SPATA6: variants seen among roughly 807,000 people sequenced by gnomAD.
The protein encoded by SPATA6 is spermatogenesis-associated protein 6.
SPATA6 carries 56 observed loss-of-function variants against 65.3 expected under a neutral mutation model. The ratio of observed to expected loss-of-function variants is 0.86; its 90% CI spans 0.69 to 1.07. The LOEUF (loss-of-function observed/expected upper bound fraction) is 1.07, where lower values mean the gene tolerates loss of function less well. SPATA6 is among the 50% of genes least tolerant of loss of function. SPATA6 has a pLI of 0.00. For synonymous variants in SPATA6, 199 were observed against 213.2 expected, an observed-to-expected ratio of 0.93 and a Z score of 0.58; for missense variants, 590 against 594.8, an observed-to-expected ratio of 0.99 and a Z score of 0.08.
intron 11 of SPATA6, among the ~76,000 whole-genome samples, chr1:48,354,310 AACC>A (rs1646596537): frequency 6.6e-6 from 1 of 152,102 alleles, no homozygotes; most frequent in Admixed American, 6.6e-5. Context: ...TAACTGTTAA[AACC>A]ATGTGCAACA....
chr1:48,305,426 T>A (rs1251531455), intron 12 of SPATA6, among the ~76,000 whole-genome samples: 3 of 152,110 alleles, frequency 2.0e-5, no homozygotes, highest in African/African-American at 7.2e-5. Context: ...TTCCTCAAAT[T>A]ATAGGCGAGA....
chr1:48,424,079 T>C (rs917726306), intron 3 of SPATA6, among the ~76,000 whole-genome samples: 2 of 152,176 alleles, frequency 1.3e-5, no homozygotes, highest in African/African-American at 4.8e-5. Context: ...TGCTATCAAA[T>C]AGTAGGTCTT....
intron 3 of SPATA6, among the ~76,000 whole-genome samples, chr1:48,417,294 C>T (rs1222587722): frequency 6.6e-6 from 1 of 151,978 alleles, no homozygotes; most frequent in Non-Finnish European, 1.5e-5. Context: ...TATGTAACAG[C>T]AACAATTAGA....
At chr1:48,386,151 T>C (rs1649439438) in intron 8 of SPATA6, among the ~76,000 whole-genome samples, 1 of 152,156 alleles carries the variant, frequency 6.6e-6, no homozygotes, top group South Asian at 2.1e-4. Context: ...AAACAATGCC[T>C]ACCTTATATC....
downstream of SPATA6, among the ~76,000 whole-genome samples, chr1:48,292,440 T>A (rs367705126): frequency 6.6e-6 from 1 of 152,190 alleles, no homozygotes; most frequent in South Asian, 2.1e-4. Context: ...GTGGTGCCAC[T>A]GGATATAGCA....
chr1:48,375,362 G>T (rs1159815828), intron 9 of SPATA6, among the ~76,000 whole-genome samples: 1 of 152,102 alleles, frequency 6.6e-6, no homozygotes, highest in East Asian at 1.9e-4. Context: ...ATAAAAGAAA[G>T]TTCCTAGAGA....
At chr1:48,395,229 G>C (rs764310121) in intron 8 of SPATA6, 38 bp downstream of exon 8, 41 of 1,438,298 alleles carry the variant, frequency 2.9e-5, no homozygotes, top group Non-Finnish European at 3.8e-5. Context: ...TGTAGCTCAG[G>C]CAACTACAGC....
intron 8 of SPATA6, among the ~76,000 whole-genome samples, chr1:48,394,662 A>AT (rs1003994602): frequency 6.6e-6 from 1 of 151,794 alleles, no homozygotes; most frequent in African/African-American, 2.4e-5. Context: ...TAATGATTTT[A>AT]TTTTTTTTCA....
chr1:48,448,715 T>C (rs1173355315), intron 3 of SPATA6, among the ~76,000 whole-genome samples: 3 of 152,124 alleles, frequency 2.0e-5, no homozygotes, highest in Non-Finnish European at 4.4e-5. Context: ...TAAAAAGGAA[T>C]GAACTACTTA....
At position 48,460,588 on chromosome 1, in the gene SPATA6, T is replaced by C. The variant is rs181043879; in HGVS notation, c.52-7457A>G. 6.1e-3 allele frequency among the ~76,000 whole-genome samples: 923 copies of C among 151,330 alleles called. 8 individuals carry two copies. The highest frequency in any genetic ancestry group is 7.0e-3 in the Non-Finnish European group (479 of 67,994). ...GTGCAGAAGGACAAGAAAAAGATAT[T>C]TGGAAATGAAAGAAATAAAAGGCAC... On this transcript the variant is annotated intron_variant, in intron 1 of 12. Coordinates refer to ENST00000371847, the MANE Select transcript of SPATA6 (RefSeq NM_019073.4).
intron 8 of SPATA6, among the ~76,000 whole-genome samples, chr1:48,388,135 C>T (rs914212193): frequency 1.3e-5 from 2 of 152,156 alleles, no homozygotes; most frequent in Admixed American, 6.5e-5. Context: ...AAAGACTAGA[C>T]TACCTAGTGT....
At chr1:48,378,260 G>A (rs1160736835) in intron 9 of SPATA6, among the ~76,000 whole-genome samples, 5 of 152,144 alleles carry the variant, frequency 3.3e-5, no homozygotes, top group Non-Finnish European at 7.3e-5. Flanking sequence ...GGCAGCATGG[G>A]GAACAGCTAT....
rs1387494880 is a variant in SPATA6 at position 48,297,067 on chromosome 1, TTCCA to T, written c.*1642_*1645del. ...AGACAGCCCCAGTTTACAGGCGCTA[TTCCA>T]GCATTAATATCATCTCTTTTTACCT... On this transcript the variant is annotated 3_prime_UTR_variant, in exon 13 of 13. Coordinates refer to ENST00000371847, the MANE Select transcript of SPATA6 (RefSeq NM_019073.4). 2 of 152,052 alleles carry T rather than the reference TTCCA, an allele frequency of 1.3e-5. No homozygotes were observed. Among genetic ancestry groups the T allele is most frequent in the Non-Finnish European group, 2.9e-5 (2 of 68,032 alleles). The allele number at this position is 152,052 out of a possible 1,614,324, so 9.4% of individuals were successfully genotyped here. A position where few individuals can be genotyped will look rare whatever the true frequency, so the allele number is the denominator to read the frequency against.
chr1:48,409,948 A>G (rs1028478378), intron 5 of SPATA6, among the ~76,000 whole-genome samples: 25 of 152,204 alleles, frequency 1.6e-4, no homozygotes, highest in Non-Finnish European at 4.4e-5. Flanking sequence ...TGCCCTGGAG[A>G]CATCTGCCCC....
intron 11 of SPATA6, among the ~76,000 whole-genome samples, chr1:48,311,846 T>G: frequency 6.6e-6 from 1 of 152,178 alleles, no homozygotes; most frequent in East Asian, 1.9e-4. Context: ...AGATGGTACC[T>G]GGAAATTCGG....
At chr1:48,389,185 A>G (rs1276825182) in intron 8 of SPATA6, among the ~76,000 whole-genome samples, 2 of 152,182 alleles carry the variant, frequency 1.3e-5, no homozygotes, top group Non-Finnish European at 2.9e-5. Flanking sequence ...GACTAAACCA[A>G]GCATAAGAAC....
At chr1:48,287,766 A>G in the SPATA6 span, among the ~76,000 whole-genome samples, 1 of 152,290 alleles carries the variant, frequency 6.6e-6, no homozygotes, top group East Asian at 1.9e-4. Flanking sequence ...TTCTCTTTAT[A>G]AATTACCCAA....
intron 11 of SPATA6, among the ~76,000 whole-genome samples, chr1:48,333,796 G>A (rs1383702254): frequency 6.6e-6 from 1 of 151,996 alleles, no homozygotes; most frequent in Non-Finnish European, 1.5e-5. Context: ...CGAAATCAGA[G>A]CTGAACTGAT....
At chr1:48,325,218 T>C (rs1000339886) in intron 11 of SPATA6, 7 of 719,804 alleles carry the variant, frequency 9.7e-6, no homozygotes, top group Non-Finnish European at 1.5e-5. Flanking sequence ...GCTGGCACAA[T>C]GGGAGTCAAG....
Sources: gnomAD v4.1 joint callset for allele counts (sites outside exome capture counted in the v4.1 genomes callset) on GRCh38, gnomAD v4.1.1 for gene constraint, MANE v1.5 for transcripts, NCBI Gene and HGNC (gene_info 2026-07-23, HGNC 2026-07-21) for gene names.